PTPRN2: variants seen among roughly 807,000 people sequenced by gnomAD.
PTPRN2 encodes receptor-type tyrosine-protein phosphatase N2.
PTPRN2 carries 74 observed loss-of-function variants against 118.8 expected under a neutral mutation model. The ratio of observed to expected loss-of-function variants is 0.62; its 90% CI spans 0.52 to 0.76. The LOEUF (loss-of-function observed/expected upper bound fraction) is 0.76, where lower values mean the gene tolerates loss of function less well. PTPRN2 is among the 30% of genes least tolerant of loss of function. PTPRN2 has a pLI of 0.00. For synonymous variants in PTPRN2, 641 were observed against 608.0 expected (o/e 1.05, Z -0.80); for missense variants, 1,481 against 1,394.4 (o/e 1.06, Z -0.99).
At chr7:157,850,003 T>C (rs138221349) in intron 12 of PTPRN2, among the ~76,000 whole-genome samples, 1 of 152,218 alleles carries the variant, frequency 6.6e-6, no homozygotes, top group Admixed American at 6.5e-5. Flanking sequence ...GATTGGAGCA[T>C]CTTACACGTT....
chr7:158,196,978 G>A (rs1234227419), intron 4 of PTPRN2, among the ~76,000 whole-genome samples: 2 of 152,164 alleles, frequency 1.3e-5, no homozygotes, highest in African/African-American at 4.8e-5. Context: ...GGCACAGGAG[G>A]TAGATATGAG....
At position 157,590,120 on chromosome 7, in the gene PTPRN2, A is replaced by G. The variant is rs967764918; in HGVS notation, c.2496+5118T>C. Among the ~76,000 whole-genome samples the G allele has an allele frequency of 3.9e-5, 6 of 152,214 alleles. No individual in the cohort carries two copies. The highest frequency in any genetic ancestry group is 1.4e-4 in the African/African-American group (6 of 41,440). Reference sequence around the variant, plus strand: ...GAGGACGGTGGACATGTTTCTTCCTAAGATCTTGATATGACTTCAAATAAT... The same window carrying G: ...GAGGACGGTGGACATGTTTCTTCCTGAGATCTTGATATGACTTCAAATAAT... On this transcript the variant is annotated intron_variant, in intron 17 of 22. Transcript: ENST00000389418. This position sits in a 1 kb window ranked among gnomAD's most constrained non-coding sequence, Gnocchi z 4.0.
At chr7:157,670,988 C>T (rs1357453482) in intron 13 of PTPRN2, among the ~76,000 whole-genome samples, 1 of 152,076 alleles carries the variant, frequency 6.6e-6, no homozygotes, top group Non-Finnish European at 1.5e-5. Flanking sequence ...ATGTGCCATC[C>T]CTGTCATCAC....
chr7:157,972,370 CACATGGGCATTA>C (rs1802395594), intron 11 of PTPRN2, among the ~76,000 whole-genome samples: 1 of 152,202 alleles, frequency 6.6e-6, no homozygotes, highest in South Asian at 2.1e-4. Context: ...GAAACCAGAG[CACATGGGCATTA>C]ACCTGCTGAC....
chr7:158,099,043 C>CATCCCGGCTGCCTTCCCTTCCTCCCCCA (rs1563432741), intron 10 of PTPRN2, among the ~76,000 whole-genome samples: 1 of 8,186 alleles, frequency 1.2e-4, no homozygotes, highest in African/African-American at 5.7e-4. Context: ...CTCCCCCCAA[C>CATCCCGGCTGCCTTCCCTTCCTCCCCCA]ACATCCCGGC....
Position 158,574,595 on chromosome 7 carries a change from G to T in PTPRN2, c.112+12963C>A, listed in dbSNP as rs1828222988. 6.6e-6 allele frequency among the ~76,000 whole-genome samples: 1 copy of T among 152,242 alleles called. No individual in the cohort carries two copies. Among genetic ancestry groups the T allele is most frequent in the African/African-American group, 2.4e-5 (1 of 41,466 alleles). On this transcript the variant is annotated intron_variant, in intron 1 of 22. Coordinates refer to ENST00000389418, the MANE Select transcript of PTPRN2 (RefSeq NM_002847.5). The surrounding 1 kb of genome is among the most constrained non-coding windows in gnomAD (Gnocchi z 4.6). ...CCTTCCTAAGGTTAGATGTGGGGCA[G>T]CTCTGGCAGAAGAGTGATAGGATCA...
intron 12 of PTPRN2, among the ~76,000 whole-genome samples, chr7:157,691,113 C>A (rs1158996169): frequency 3.6e-5 from 5 of 138,970 alleles, no homozygotes; most frequent in Non-Finnish European, 6.3e-5. Flanking sequence ...GCTAAGGGGC[C>A]GCGGCTCTCC....
At chr7:158,316,592 C>CT (rs2151093503) in intron 3 of PTPRN2, among the ~76,000 whole-genome samples, 1 of 152,244 alleles carries the variant, frequency 6.6e-6, no homozygotes, top group African/African-American at 2.4e-5. Flanking sequence ...CCTGGCATCT[C>CT]CTCCCTCAGA....
At chr7:157,743,003 T>C (rs993687185) in intron 12 of PTPRN2, among the ~76,000 whole-genome samples, 5 of 152,224 alleles carry the variant, frequency 3.3e-5, no homozygotes, top group African/African-American at 9.6e-5. Flanking sequence ...GCTAAGGCTG[T>C]GCTTGTGTTA....
chr7:158,210,266 G>A lies in PTPRN2; in HGVS notation c.278-4993C>T, dbSNP rs373894097. On this transcript the variant is annotated intron_variant, in intron 3 of 22. Coordinates refer to ENST00000389418, the MANE Select transcript of PTPRN2 (RefSeq NM_002847.5). ...TTCTCCTGCCTCAGCCTCCCGAGTA[G>A]CTGGGACTACAGGCGCCCGCTACCA... Among the ~76,000 whole-genome samples, 721 of 144,730 alleles carry A rather than the reference G, an allele frequency of 5.0e-3. 7 individuals are homozygous for A. The highest frequency in any genetic ancestry group is 0.017 in the African/African-American group (688 of 40,512). The allele number at this position is 144,730 out of a possible 152,430, so 94.9% of individuals were successfully genotyped here.
chr7:158,381,265 T>C (rs1036080402), intron 2 of PTPRN2, among the ~76,000 whole-genome samples: 2 of 152,212 alleles, frequency 1.3e-5, no homozygotes, highest in African/African-American at 4.8e-5. Context: ...TGAACTTTTA[T>C]GCTCTGCTTC....
chr7:158,407,253 CTGGGT>C lies in PTPRN2; in HGVS notation c.163+82477_163+82481del, dbSNP rs1217623208. ...GGTCCTGGGTCCTGGGTCCTGCGTC[CTGGGT>C]CCTGGGTCCTGGGTCCTGGGTCCTG... On this transcript the variant is annotated intron_variant, in intron 2 of 22. Transcript: ENST00000389418. Among the ~76,000 whole-genome samples, 461 of 52,604 alleles carry C rather than the reference CTGGGT, an allele frequency of 8.8e-3. 30 individuals are homozygous for C. The highest frequency in any genetic ancestry group is 0.011 in the Non-Finnish European group (306 of 26,700). 34.5% of individuals were successfully genotyped at this position (52,604 alleles called of 152,430 possible).
chr7:158,572,616 G>C (rs971666226), intron 1 of PTPRN2, among the ~76,000 whole-genome samples: 3 of 152,148 alleles, frequency 2.0e-5, no homozygotes, highest in Non-Finnish European at 2.9e-5. Flanking sequence ...CTGACCCTAA[G>C]TGCCACATCC....
chr7:158,127,115 C>A (rs529056083), intron 9 of PTPRN2, among the ~76,000 whole-genome samples: 1 of 152,206 alleles, frequency 6.6e-6, no homozygotes, highest in South Asian at 2.1e-4. Context: ...GAGAGGTCAA[C>A]GCCGCCCCAT....
intron 12 of PTPRN2, among the ~76,000 whole-genome samples, chr7:157,872,124 C>CCCAT (rs1811102416): frequency 2.3e-5 from 3 of 129,232 alleles, no homozygotes; most frequent in Admixed American, 1.6e-4. Context: ...TCCCCACACA[C>CCCAT]ACCCAGTGTC....
chr7:158,077,036 G>T (rs921159740), intron 11 of PTPRN2, among the ~76,000 whole-genome samples: 2 of 152,224 alleles, frequency 1.3e-5, no homozygotes, highest in Non-Finnish European at 2.9e-5. Flanking sequence ...TTGCCATTAC[G>T]CTTTTCAAAA....
In PTPRN2 at chr7:158,089,753, T is replaced by C. The variant is rs1272607434; in HGVS notation, c.1644-8376A>G. On this transcript the variant is annotated intron_variant, in intron 10 of 22. Coordinates refer to ENST00000389418, the MANE Select transcript of PTPRN2 (RefSeq NM_002847.5). ...AAAAGAGGGGGTCTTCACACAAACCTTCTTCCCCTGATGAAAAGGGGAATG... is the reference window on the plus strand; with the variant it reads ...AAAAGAGGGGGTCTTCACACAAACCCTCTTCCCCTGATGAAAAGGGGAATG... 6.1e-5 allele frequency among the ~76,000 whole-genome samples: 8 copies of C among 131,078 alleles called. 1 individual carries two copies. The highest frequency in any genetic ancestry group is 2.3e-4 in the South Asian group (1 of 4,262). 86.0% of individuals were successfully genotyped at this position (131,078 alleles called of 152,430 possible). A position where few individuals can be genotyped will look rare whatever the true frequency, so the allele number is the denominator to read the frequency against.
chr7:158,512,544 TCACA>T (rs1025220568), intron 1 of PTPRN2, among the ~76,000 whole-genome samples: 2 of 152,044 alleles, frequency 1.3e-5, no homozygotes, highest in Non-Finnish European at 2.9e-5. Flanking sequence ...ATGCACACAC[TCACA>T]CACATGCATA....
chr7:158,109,799 TGAGGGAGC>T (rs1478266965), intron 10 of PTPRN2, among the ~76,000 whole-genome samples: 1 of 149,726 alleles, frequency 6.7e-6, no homozygotes, highest in Non-Finnish European at 1.5e-5. Flanking sequence ...TACCCCGGTG[TGAGGGAGC>T]CAGTGAGTGA....
Sources: gnomAD v4.1 joint callset for allele counts (sites outside exome capture counted in the v4.1 genomes callset) on GRCh38, gnomAD v4.1.1 for gene constraint, Gnocchi (gnomAD v3.1) non-coding constraint, MANE v1.5 for transcripts, NCBI Gene and HGNC (gene_info 2026-07-23, HGNC 2026-07-21) for gene names.